Variants in GRIK4 observed in about 807,000 individuals in gnomAD.
GRIK4 encodes the protein glutamate receptor ionotropic, kainate 4.
A neutral mutation model predicts 104.9 loss-of-function variants in GRIK4; 40 were observed. The ratio of observed to expected loss-of-function variants is 0.38; its 90% CI spans 0.30 to 0.50. The LOEUF (loss-of-function observed/expected upper bound fraction) is 0.50, where lower values mean the gene tolerates loss of function less well. GRIK4 is among the 20% of genes least tolerant of loss of function. GRIK4 has a pLI of 0.93. For synonymous variants in GRIK4, 485 were observed against 524.9 expected (o/e 0.92, Z 1.04); for missense variants, 1,047 against 1,308.1 (o/e 0.80, Z 3.08).
intron 13 of GRIK4, among the ~76,000 whole-genome samples, chr11:120,911,090 AGG>A (rs1163659282): frequency 2.0e-5 from 3 of 152,118 alleles, no homozygotes. Flanking sequence ...TCATTGATGA[AGG>A]GCCTGTTTGA....
intron 1 of GRIK4, among the ~76,000 whole-genome samples, chr11:120,517,988 G>A (rs1947751445): frequency 6.6e-6 from 1 of 152,194 alleles, no homozygotes; most frequent in Non-Finnish European, 1.5e-5. Flanking sequence ...AAGAAGGCGT[G>A]GAAGATAGGG....
At chr11:120,587,770 C>T (rs1247123759) in intron 1 of GRIK4, among the ~76,000 whole-genome samples, 1 of 152,180 alleles carries the variant, frequency 6.6e-6, no homozygotes, top group Admixed American at 6.5e-5. Context: ...ACTACCTGGC[C>T]AGGTACCAGT....
chr11:120,537,001 T>C (rs1039367642), intron 1 of GRIK4, among the ~76,000 whole-genome samples: 18 of 152,190 alleles, frequency 1.2e-4, no homozygotes, highest in South Asian at 2.1e-4. Context: ...CTGGGTGCAC[T>C]GTGCCCAGTG....
At chr11:120,955,488 G>C (rs781259089) in intron 15 of GRIK4, among the ~76,000 whole-genome samples, 4 of 152,246 alleles carry the variant, frequency 2.6e-5, no homozygotes, top group Non-Finnish European at 5.9e-5. Context: ...GTGCACACCT[G>C]TGCATACAGT....
intron 1 of GRIK4, among the ~76,000 whole-genome samples, chr11:120,526,926 G>A (rs575450761): frequency 3.3e-5 from 5 of 152,382 alleles, no homozygotes; most frequent in Admixed American, 6.5e-5. Context: ...GCGGTCACTT[G>A]ACAGTGTCCA....
intron 1 of GRIK4, among the ~76,000 whole-genome samples, chr11:120,546,709 G>T (rs938532329): frequency 2.0e-5 from 3 of 152,150 alleles, no homozygotes; most frequent in Non-Finnish European, 4.4e-5. Flanking sequence ...TCCCTCATTA[G>T]CCTTGAGTTA....
At chr11:120,552,613 G>A (rs1948150311) in intron 1 of GRIK4, among the ~76,000 whole-genome samples, 1 of 152,180 alleles carries the variant, frequency 6.6e-6, no homozygotes, top group South Asian at 2.1e-4. Context: ...CTGGCTTTGT[G>A]GTTTTCTACA....
chr11:120,762,875 T>C lies in GRIK4; in HGVS notation c.83-39818T>C, dbSNP rs529293058. ...TTGAGGATTTTTGAATCGATGTTCA[T>C]CAGGAATATTGGCCTGAAATTTTCT... On this transcript the variant is annotated intron_variant, in intron 3 of 20. Coordinates refer to ENST00000527524, the MANE Select transcript of GRIK4 (RefSeq NM_014619.5). Among the ~76,000 whole-genome samples the C allele has an allele frequency of 5.3e-5, 8 of 152,328 alleles. No homozygotes were observed. In the East Asian group the frequency reaches 1.5e-3, roughly 29 times the overall value.
intron 1 of GRIK4, among the ~76,000 whole-genome samples, chr11:120,623,942 T>TCC (rs1565578486): frequency 6.7e-5 from 9 of 134,880 alleles, no homozygotes. Context: ...CCTCCTCCTC[T>TCC]TCCCCCTTAC....
intron 8 of GRIK4, among the ~76,000 whole-genome samples, chr11:120,859,822 G>T (rs1954213925): frequency 6.6e-6 from 1 of 152,212 alleles, no homozygotes; most frequent in South Asian, 2.1e-4. Context: ...TGGGAATGTG[G>T]CAGGATCCAA....
intron 13 of GRIK4, among the ~76,000 whole-genome samples, chr11:120,909,208 G>C (rs761645344): frequency 3.9e-5 from 6 of 152,230 alleles, no homozygotes; most frequent in Non-Finnish European, 8.8e-5. Flanking sequence ...TTGGTGCTGG[G>C]TCATCTTCCT....
chr11:120,803,486 G>A (rs889785809), intron 4 of GRIK4, among the ~76,000 whole-genome samples: 1 of 152,144 alleles, frequency 6.6e-6, no homozygotes, highest in Admixed American at 6.5e-5. Context: ...TGCCCAGGCT[G>A]GAGTGCAGTT....
At position 120,819,159 on chromosome 11, in the gene GRIK4, C is replaced by T. The variant is rs936839925; in HGVS notation, c.346-596C>T. 1.2e-4 allele frequency among the ~76,000 whole-genome samples: 18 copies of T among 152,166 alleles called. No homozygotes were observed. The highest frequency in any genetic ancestry group is 3.6e-4 in the African/African-American group (15 of 41,446). The stretch of plus-strand genomic sequence containing the variant: ...TCAGAGGTTCTCTAGATGGTTTCTC[C>T]GCCTGCAGGGCTTCCTTCCTCCATG... On this transcript the variant is annotated intron_variant, in intron 5 of 20. Coordinates refer to ENST00000527524, the MANE Select transcript of GRIK4 (RefSeq NM_014619.5). This position sits in a 1 kb window ranked among gnomAD's most constrained non-coding sequence, Gnocchi z 4.3.
At chr11:120,875,663 C>T (rs1954766044) in intron 11 of GRIK4, among the ~76,000 whole-genome samples, 1 of 152,038 alleles carries the variant, frequency 6.6e-6, no homozygotes, top group South Asian at 2.1e-4. Flanking sequence ...TCCTGTCTGC[C>T]CTTCTCTGAC....
intron 3 of GRIK4, among the ~76,000 whole-genome samples, chr11:120,714,727 G>A (rs1355152909): frequency 6.6e-6 from 1 of 152,202 alleles, no homozygotes; most frequent in Non-Finnish European, 1.5e-5. Flanking sequence ...AAGGGGACAT[G>A]GAACAGTGCT....
chr11:120,670,926 A>G (rs1333749494), intron 3 of GRIK4, among the ~76,000 whole-genome samples: 2 of 151,270 alleles, frequency 1.3e-5, no homozygotes, highest in Non-Finnish European at 2.9e-5. Flanking sequence ...TCATTGTTCA[A>G]CTCCCACTTA....
At chr11:120,830,729 GT>G (rs1489609852) in intron 6 of GRIK4, among the ~76,000 whole-genome samples, 1 of 152,184 alleles carries the variant, frequency 6.6e-6, no homozygotes, top group African/African-American at 2.4e-5. Context: ...CATGTAAAAT[GT>G]TTCGCACATT....
intron 1 of GRIK4, among the ~76,000 whole-genome samples, chr11:120,599,582 T>A (rs4245037): frequency 0.4 from 60,307 of 152,110 alleles, 13,251 homozygotes; most frequent in African/African-American, 0.59. Flanking sequence ...GCTCCATCTC[T>A]GCTACTGTAT....
intron 9 of GRIK4, chr11:120,871,209 G>C (rs1320714400): frequency 5.8e-6 from 1 of 172,044 alleles, no homozygotes; most frequent in Admixed American, 5.7e-5. Flanking sequence ...GCCAGTTTCA[G>C]TTGGGGCAGC....
Sources: gnomAD v4.1 joint callset for allele counts (sites outside exome capture counted in the v4.1 genomes callset) on GRCh38, gnomAD v4.1.1 for gene constraint, Gnocchi (gnomAD v3.1) non-coding constraint, MANE v1.5 for transcripts, NCBI Gene and HGNC (gene_info 2026-07-23, HGNC 2026-07-21) for gene names.